EYS: variants seen among roughly 807,000 people sequenced by gnomAD.
EYS encodes the protein EGF-like photoreceptor maintenance factor.
EYS carries 250 observed loss-of-function variants against 282.1 expected under a neutral mutation model. The ratio of observed to expected loss-of-function variants is 0.89; its 90% confidence interval spans 0.80 to 0.98. The LOEUF (loss-of-function observed/expected upper bound fraction) is 0.98. Among genes scored for constraint, EYS ranks in the 50% least tolerant of loss-of-function variants. EYS has a pLI of 0.00. For synonymous variants in EYS, 1,355 were observed against 1,282.9 expected, an observed-to-expected ratio of 1.06 and a Z score of -1.20; for missense variants, 4,016 against 3,709.0, an observed-to-expected ratio of 1.08 and a Z score of -2.15.
intron 14 of EYS, among the ~76,000 whole-genome samples, chr6:64,970,275 A>T (rs1332634365): frequency 6.6e-6 from 1 of 152,190 alleles, no homozygotes; most frequent in African/African-American, 2.4e-5. Flanking sequence ...AAAATTTATC[A>T]AAGACTAAGC....
chr6:65,594,030 C>T (rs1162482223), intron 2 of EYS, among the ~76,000 whole-genome samples: 1 of 151,848 alleles, frequency 6.6e-6, no homozygotes, highest in Non-Finnish European at 1.5e-5. Context: ...CCCAGAGCAG[C>T]ATGGTGCTTC....
chr6:65,134,190 T>A (rs2150204335), intron 12 of EYS, among the ~76,000 whole-genome samples: 1 of 152,230 alleles, frequency 6.6e-6, no homozygotes, highest in Non-Finnish European at 1.5e-5. Flanking sequence ...TTAATCATTG[T>A]GGAAAGCAGT....
In EYS at chr6:64,964,145, G is replaced by C. The variant is rs558130591; in HGVS notation, c.2260-18231C>G. On this transcript the variant is annotated intron_variant, in intron 14 of 42. Transcript: ENST00000503581. ...CACTTCTCACACTATTTGAAAATAA[G>C]ATCTATATCATTTGGGTTTAAGATA... is the stretch of plus-strand genomic sequence containing the variant. Among the ~76,000 whole-genome samples, 7 of 151,958 alleles carry C rather than the reference G, an allele frequency of 4.6e-5. No homozygotes were observed. The East Asian group carries it at 1.4e-3, about 29-fold the overall frequency.
intron 26 of EYS, among the ~76,000 whole-genome samples, chr6:64,574,900 T>C (rs970310769): frequency 2.0e-5 from 3 of 152,174 alleles, no homozygotes; most frequent in Admixed American, 6.5e-5. Flanking sequence ...ACAATTTTGC[T>C]TTATTGATTT....
chr6:64,117,690 G>C (rs780777842), intron 31 of EYS, among the ~76,000 whole-genome samples: 1 of 151,560 alleles, frequency 6.6e-6, no homozygotes, highest in Non-Finnish European at 1.5e-5. Flanking sequence ...TAGTACTAGA[G>C]GTCCTAGCCA....
intron 22 of EYS, among the ~76,000 whole-genome samples, chr6:64,657,663 A>C (rs1768799622): frequency 6.6e-6 from 1 of 152,094 alleles, no homozygotes; most frequent in East Asian, 1.9e-4. Flanking sequence ...TCTTTTCTTT[A>C]AGAATGTTGA....
At chr6:64,293,138 T>C (rs1449445224) in intron 30 of EYS, among the ~76,000 whole-genome samples, 2 of 152,090 alleles carry the variant, frequency 1.3e-5, no homozygotes, top group African/African-American at 2.4e-5. Flanking sequence ...AATTTGCACA[T>C]GGAATAAAGG....
At chr6:63,754,364 C>A (rs922041856) in intron 41 of EYS, among the ~76,000 whole-genome samples, 1 of 152,002 alleles carries the variant, frequency 6.6e-6, no homozygotes, top group Admixed American at 6.6e-5. Flanking sequence ...CACAACAGGG[C>A]CCAGTGTGTG....
At chr6:65,020,036 C>A (rs2150137927) in intron 13 of EYS, among the ~76,000 whole-genome samples, 1 of 152,212 alleles carries the variant, frequency 6.6e-6, no homozygotes, top group African/African-American at 2.4e-5. Flanking sequence ...ACACCAGGAC[C>A]CTCTCACAAC....
rs563543212 is a variant in EYS at position 65,450,763 on chromosome 6, G to A, written c.862+39831C>T. On this transcript the variant is annotated intron_variant, in intron 5 of 42. Transcript: ENST00000503581. The stretch of plus-strand genomic sequence containing the variant: ...CCAGTGGCAATAGGATACTCCCTGC[G>A]AAATGTGGGTGACCCATCTCCACAT... Among the ~76,000 whole-genome samples, 346 of 152,202 alleles carry A rather than the reference G, an allele frequency of 2.3e-3. 2 individuals carry two copies. Among genetic ancestry groups the A allele is most frequent in the Non-Finnish European group, 2.2e-3 (147 of 68,008 alleles).
chr6:64,413,577 C>T (rs1377508705), intron 28 of EYS, among the ~76,000 whole-genome samples: 3 of 131,786 alleles, frequency 2.3e-5, no homozygotes, highest in Non-Finnish European at 5.1e-5. Context: ...AAAAAAAAAC[C>T]TCCCCTCCCA....
At chr6:65,607,035 A>G (rs1455672837) in intron 2 of EYS, among the ~76,000 whole-genome samples, 1 of 151,894 alleles carries the variant, frequency 6.6e-6, no homozygotes, top group African/African-American at 2.4e-5. Flanking sequence ...ATGAAAACTG[A>G]ATAACTAATA....
chr6:65,240,871 T>C (rs748121277), intron 12 of EYS, among the ~76,000 whole-genome samples: 12 of 152,298 alleles, frequency 7.9e-5, no homozygotes, highest in Non-Finnish European at 1.2e-4. Flanking sequence ...CTGCTTTCCA[T>C]AGTGGCTGAA....
intron 26 of EYS, among the ~76,000 whole-genome samples, chr6:64,451,186 G>C (rs1775323250): frequency 6.6e-6 from 1 of 152,112 alleles, no homozygotes. Context: ...TATCACCACT[G>C]ATCCCACAGA....
chr6:64,350,813 A>G (rs1280719741), intron 29 of EYS, among the ~76,000 whole-genome samples: 1 of 151,472 alleles, frequency 6.6e-6, no homozygotes, highest in Non-Finnish European at 1.5e-5. Context: ...TCCAAATTGT[A>G]ATTCCCAACG....
chr6:63,962,247 A>G (rs1301934806), intron 35 of EYS, among the ~76,000 whole-genome samples: 1 of 152,244 alleles, frequency 6.6e-6, no homozygotes, highest in Non-Finnish European at 1.5e-5. Flanking sequence ...ACAAAAGCCA[A>G]AATTGACAAA....
intron 5 of EYS, among the ~76,000 whole-genome samples, chr6:65,426,046 G>A (rs140794993): frequency 6.6e-6 from 1 of 152,026 alleles, no homozygotes; most frequent in Non-Finnish European, 1.5e-5. Context: ...CACAATCATA[G>A]CCCACTGCAG....
At chr6:64,290,453 G>A (rs538590351) in intron 30 of EYS, among the ~76,000 whole-genome samples, 1 of 152,194 alleles carries the variant, frequency 6.6e-6, no homozygotes, top group Non-Finnish European at 1.5e-5. Context: ...TGACACCTTA[G>A]GTAGGTTAAA....
intron 26 of EYS, among the ~76,000 whole-genome samples, chr6:64,536,263 C>A (rs1049380862): frequency 4.0e-5 from 6 of 151,808 alleles, no homozygotes; most frequent in Non-Finnish European, 5.9e-5. Context: ...TTCGGGAAAA[C>A]AAATGTAAGG....
Sources: allele counts gnomAD v4.1 joint callset (sites outside exome capture counted in the v4.1 genomes callset), GRCh38; gene constraint gnomAD v4.1.1; transcripts MANE v1.5; gene names NCBI Gene and HGNC (gene_info 2026-07-23, HGNC 2026-07-21).